PPP4R2: variants seen among roughly 807,000 people sequenced by gnomAD.
PPP4R2 encodes protein phosphatase 4 regulatory subunit 2.
In PPP4R2, 13 loss-of-function variants were observed where a neutral mutation model predicts 47.2. The observed-to-expected ratio is 0.28, with a 90% CI of 0.18 to 0.44. PPP4R2 has a LOEUF of 0.44. Among genes scored for constraint, PPP4R2 ranks in the 20% least tolerant of loss-of-function variants. The probability of loss-of-function intolerance (pLI) is 1.00; values close to 1 mark genes in which losing one functional copy is unlikely to be tolerated. For synonymous variants in PPP4R2, 151 were observed against 163.3 expected (o/e 0.92, Z 0.57); for missense variants, 421 against 491.2 (o/e 0.86, Z 1.35).
At chr3:73,005,857 T>C (rs1403919632) in intron 2 of PPP4R2, among the ~76,000 whole-genome samples, 1 of 112,598 alleles carries the variant, frequency 8.9e-6, no homozygotes, top group Admixed American at 8.5e-5. Context: ...TCAGTGTTAT[T>C]GAGGTATAAT....
chr3:73,067,684 TATTTTA>T lies in PPP4R2; in HGVS notation c.*1966_*1971del, dbSNP rs1316133893. Reference sequence around the variant, plus strand: ...GATCCTGTGACCTTTTGATATTTTTTATTTTAATTGTAGTGCCATGGACCATTTGTA... The same window carrying T: ...GATCCTGTGACCTTTTGATATTTTTTATTGTAGTGCCATGGACCATTTGTA... On this transcript the variant is annotated 3_prime_UTR_variant, in exon 9 of 9. Transcript: ENST00000356692. 1 of 152,202 alleles carries T rather than the reference TATTTTA, an allele frequency of 6.6e-6. No individual in the cohort carries two copies. Among genetic ancestry groups the T allele is most frequent in the African/African-American group, 2.4e-5 (1 of 41,468 alleles). The allele number at this position is 152,202 out of a possible 1,614,324, so 9.4% of individuals were successfully genotyped here.
At chr3:73,035,679 C>T (rs1048549629) in intron 2 of PPP4R2, among the ~76,000 whole-genome samples, 2 of 151,982 alleles carry the variant, frequency 1.3e-5, no homozygotes, top group East Asian at 3.9e-4. Flanking sequence ...GGCTGGAGTG[C>T]AGTGGCACAA....
intron 2 of PPP4R2, among the ~76,000 whole-genome samples, chr3:73,000,418 GT>G (rs1487255175): frequency 3.3e-5 from 5 of 152,170 alleles, no homozygotes; most frequent in African/African-American, 1.2e-4. Context: ...ATGTGAAACT[GT>G]TTATGGATCA....
chr3:72,997,809 T>G (rs1017853471), intron 1 of PPP4R2, among the ~76,000 whole-genome samples: 18 of 152,166 alleles, frequency 1.2e-4, no homozygotes, highest in African/African-American at 3.9e-4. Flanking sequence ...AATGCTGGTG[T>G]TCCCCCGGAC....
At chr3:73,044,833 A>G (rs910562050) in intron 2 of PPP4R2, among the ~76,000 whole-genome samples, 3 of 152,190 alleles carry the variant, frequency 2.0e-5, no homozygotes, top group Non-Finnish European at 2.9e-5. Flanking sequence ...GGTGTTCTTT[A>G]TATAATCTGG....
Position 73,067,996 on chromosome 3 carries a change from A to G in PPP4R2, c.*2274A>G, listed in dbSNP as rs1318920491. The G allele has an allele frequency of 1.3e-5, 2 of 152,176 alleles. No individual in the cohort carries two copies. The highest frequency in any genetic ancestry group is 4.8e-5 in the African/African-American group (2 of 41,452). 9.4% of individuals were successfully genotyped at this position (152,176 alleles called of 1,614,324 possible). A position where few individuals can be genotyped will look rare whatever the true frequency, so the allele number is the denominator to read the frequency against. Reference sequence around the variant, plus strand: ...TGCTGTTTATACAGATAATTGTAGAATGCTCATGGAATATCTTTAGGGTAG... The same window carrying G: ...TGCTGTTTATACAGATAATTGTAGAGTGCTCATGGAATATCTTTAGGGTAG... On this transcript the variant is annotated 3_prime_UTR_variant, in exon 9 of 9. Coordinates refer to ENST00000356692, the MANE Select transcript of PPP4R2 (RefSeq NM_174907.4).
At chr3:73,028,724 G>C (rs149362792) in intron 2 of PPP4R2, among the ~76,000 whole-genome samples, 284 of 152,182 alleles carry the variant, frequency 1.9e-3, no homozygotes, top group African/African-American at 6.6e-3. Flanking sequence ...AGGCACTTTT[G>C]TGAGCCACTG....
At chr3:73,042,774 T>G (rs1702405464) in intron 2 of PPP4R2, among the ~76,000 whole-genome samples, 2 of 152,164 alleles carry the variant, frequency 1.3e-5, no homozygotes, top group Non-Finnish European at 2.9e-5. Context: ...TCCCCATATA[T>G]ATATGTGGAA....
intron 2 of PPP4R2, among the ~76,000 whole-genome samples, chr3:73,039,873 G>A (rs1342462321): frequency 6.6e-6 from 1 of 152,156 alleles, no homozygotes; most frequent in Non-Finnish European, 1.5e-5. Context: ...GGCCAACATG[G>A]CGAAACACCG....
chr3:73,029,260 C>G (rs1287208023), intron 2 of PPP4R2, among the ~76,000 whole-genome samples: 1 of 152,166 alleles, frequency 6.6e-6, no homozygotes, highest in Non-Finnish European at 1.5e-5. Context: ...GAGTTTTGAG[C>G]AGAGAAGTGA....
rs780802369 is a variant in PPP4R2 at position 73,065,698 on chromosome 3, C to T, written c.1230C>T (p.Thr410=). The T allele has an allele frequency of 1.3e-5, 21 of 1,605,430 alleles. No homozygotes were observed. The highest frequency in any genetic ancestry group is 3.3e-5 in the South Asian group (3 of 90,694). The change falls in exon 9 of 9, where the codon ACC becomes ACT. Residue 410 remains threonine (T), a synonymous_variant. Coordinates refer to ENST00000356692, the MANE Select transcript of PPP4R2 (RefSeq NM_174907.4). The part of the protein sequence containing the change: ...MENDDEATEV[T]DEPMEQD ...ATGATGACGAAGCCACAGAAGTCAC[C>T]GATGAACCAATGGAACAAGACTAAC...
chr3:73,042,361 CTTTTTTTTTTT>C (rs10709279), intron 2 of PPP4R2, among the ~76,000 whole-genome samples: 1 of 75,928 alleles, frequency 1.3e-5, no homozygotes, highest in African/African-American at 4.7e-5. Context: ...AATATAATTT[CTTTTTTTTTTT>C]TTTTTTTTTT....
chr3:73,044,618 C>G (rs1702447892), intron 2 of PPP4R2, among the ~76,000 whole-genome samples: 1 of 152,002 alleles, frequency 6.6e-6, no homozygotes, highest in Non-Finnish European at 1.5e-5. Context: ...ACATCCTTGG[C>G]CAGCCAATAC....
intron 2 of PPP4R2, among the ~76,000 whole-genome samples, chr3:73,002,318 A>G (rs569223844): frequency 2.6e-5 from 4 of 152,342 alleles, no homozygotes; most frequent in South Asian, 2.1e-4. Flanking sequence ...CAACTCAGTC[A>G]TAGCTCACTG....
chr3:73,058,553 A>G (rs1702775146), intron 3 of PPP4R2, among the ~76,000 whole-genome samples: 1 of 151,908 alleles, frequency 6.6e-6, no homozygotes, highest in Non-Finnish European at 1.5e-5. Flanking sequence ...AGGTTTACAT[A>G]TTTATGGGGT....
At position 72,998,058 on chromosome 3, in the gene PPP4R2, T is replaced by C. The variant is rs761577098; in HGVS notation, c.35-19T>C. 4 of 1,577,650 alleles carry C rather than the reference T, an allele frequency of 2.5e-6. No homozygotes were observed. The East Asian group carries it at 6.7e-5, about 27-fold the overall frequency. On this transcript the variant is annotated intron_variant, in intron 1 of 8. Transcript: ENST00000356692. ...CTTTTGAGAAAACTGATAACGTTTT[T>C]TTTTCTTCCTTCATCTAGATTTTGA...
intron 2 of PPP4R2, among the ~76,000 whole-genome samples, chr3:73,034,883 G>T (rs1013574446): frequency 6.6e-6 from 1 of 151,604 alleles, no homozygotes; most frequent in Non-Finnish European, 1.5e-5. Context: ...TCAGATCATT[G>T]GTCTGGGCAA....
Position 73,067,939 on chromosome 3 carries a change from A to T in PPP4R2, c.*2217A>T, listed in dbSNP as rs1371252553. ...GTTTAATAGTTTTAATATTTATTAGATATTCATATGTTGATCATAGATCAA... is the reference window on the plus strand; with the variant it reads ...GTTTAATAGTTTTAATATTTATTAGTTATTCATATGTTGATCATAGATCAA... On this transcript the variant is annotated 3_prime_UTR_variant, in exon 9 of 9. Transcript: ENST00000356692. 1 of 152,172 alleles carries T rather than the reference A, an allele frequency of 6.6e-6. No homozygotes were observed. Among genetic ancestry groups the T allele is most frequent in the Non-Finnish European group, 1.5e-5 (1 of 68,020 alleles). The allele number at this position is 152,172 out of a possible 1,614,324, so 9.4% of individuals were successfully genotyped here.
At chr3:73,027,307 T>A (rs1158439003) in intron 2 of PPP4R2, among the ~76,000 whole-genome samples, 1 of 152,200 alleles carries the variant, frequency 6.6e-6, no homozygotes, top group Non-Finnish European at 1.5e-5. Flanking sequence ...TTTTGCATTT[T>A]AGTAGAGACG....
Sources: gnomAD v4.1 joint callset for allele counts (sites outside exome capture counted in the v4.1 genomes callset) on GRCh38, gnomAD v4.1.1 for gene constraint, MANE v1.5 for transcripts, NCBI Gene and HGNC (gene_info 2026-07-23, HGNC 2026-07-21) for gene names.